STPG2: variants seen among roughly 807,000 people sequenced by gnomAD.
STPG2 encodes sperm-tail PG-rich repeat-containing protein 2.
A neutral mutation model predicts 54.2 loss-of-function variants in STPG2; 56 were observed. That is an observed-to-expected ratio of 1.03 (90% confidence interval 0.83 to 1.29). The LOEUF is 1.29. STPG2 is among the 50% of genes most tolerant of loss of function. The pLI is 0.00. For synonymous variants in STPG2, 200 were observed against 181.8 expected, an observed-to-expected ratio of 1.10 and a Z score of -0.81; for missense variants, 596 against 544.9, an observed-to-expected ratio of 1.09 and a Z score of -0.93.
chr4:97,684,537 CA>C lies in STPG2; in HGVS notation c.1320+28161del, dbSNP rs558113585. On this transcript the variant is annotated intron_variant, in intron 10 of 10. Transcript: ENST00000295268. ...TCCGGAAAAAGTGGACATTCACACG[CA>C]AAAAATAATAAGTAAGAACCTAGAC... Among the ~76,000 whole-genome samples the C allele has an allele frequency of 4.9e-3, 747 of 151,800 alleles. 3 individuals carry two copies. Among genetic ancestry groups the C allele is most frequent in the Middle Eastern group, 0.02 (6 of 294 alleles).
intron 9 of STPG2, among the ~76,000 whole-genome samples, chr4:97,770,094 C>T (rs1015794177): frequency 2.0e-5 from 3 of 151,984 alleles, no homozygotes; most frequent in Admixed American, 6.6e-5. Context: ...GCCTGTAATC[C>T]CAGCTACTCA....
chr4:97,645,509 T>C (rs1268546638), intron 10 of STPG2, among the ~76,000 whole-genome samples: 1 of 152,174 alleles, frequency 6.6e-6, no homozygotes, highest in African/African-American at 2.4e-5. Flanking sequence ...TAGACTTCAC[T>C]AGCTGCCTTT....
intron 8 of STPG2, among the ~76,000 whole-genome samples, chr4:97,874,507 T>C (rs1185985863): frequency 6.6e-6 from 1 of 151,872 alleles, no homozygotes; most frequent in Non-Finnish European, 1.5e-5. Flanking sequence ...TGTTCCTTTG[T>C]AATCCATCCC....
chr4:97,731,795 G>A (rs994198802), intron 9 of STPG2, among the ~76,000 whole-genome samples: 1 of 152,172 alleles, frequency 6.6e-6, no homozygotes, highest in African/African-American at 2.4e-5. Flanking sequence ...CCCCACTTAA[G>A]CTGCATCTAC....
chr4:97,954,759 A>G (rs1483257607), intron 7 of STPG2, among the ~76,000 whole-genome samples: 2 of 152,214 alleles, frequency 1.3e-5, no homozygotes, highest in Non-Finnish European at 2.9e-5. Flanking sequence ...AAATTTCACT[A>G]GTAGAAAATA....
rs1018701837 is a variant in STPG2 at position 97,741,209 on chromosome 4, A to C, written c.1205-28395T>G. 4.0e-4 allele frequency among the ~76,000 whole-genome samples: 61 copies of C among 152,264 alleles called. 1 individual carries two copies. The highest frequency in any genetic ancestry group is 1.4e-3 in the Admixed American group (22 of 15,288). On this transcript the variant is annotated intron_variant, in intron 9 of 10. Transcript: ENST00000295268. ...CTTCCTTACACCTTATACAAAAATT[A>C]ATTCAAGATGGACTAAAGACTTAAA...
chr4:97,475,041 C>T (rs2148817256), intron 4 of STPG2, among the ~76,000 whole-genome samples: 1 of 151,978 alleles, frequency 6.6e-6, no homozygotes, highest in South Asian at 2.1e-4. Context: ...TAAAAATATA[C>T]TACTGTAATT....
intron 9 of STPG2, among the ~76,000 whole-genome samples, chr4:97,736,710 C>T (rs960212843): frequency 1.3e-5 from 2 of 152,226 alleles, no homozygotes; most frequent in South Asian, 2.1e-4. Flanking sequence ...AGCCGGGAAG[C>T]TCGAACTGGG....
At chr4:97,473,751 G>T (rs745334303) in intron 4 of STPG2, among the ~76,000 whole-genome samples, 3 of 152,188 alleles carry the variant, frequency 2.0e-5, no homozygotes, top group Non-Finnish European at 2.9e-5. Context: ...GGGCATCACG[G>T]AACCTACTGA....
chr4:97,980,556 T>C (rs1017945279), intron 6 of STPG2, among the ~76,000 whole-genome samples: 1 of 152,192 alleles, frequency 6.6e-6, no homozygotes, highest in African/African-American at 2.4e-5. Flanking sequence ...CAGGCAGCCA[T>C]GCTGGAGCTA....
chr4:97,925,955 T>C (rs1192298877), intron 8 of STPG2, among the ~76,000 whole-genome samples: 1 of 152,192 alleles, frequency 6.6e-6, no homozygotes, highest in Admixed American at 6.6e-5. Context: ...TGGCATTTCC[T>C]GTATCACTAC....
chr4:97,758,564 C>G (rs962234295), intron 9 of STPG2, among the ~76,000 whole-genome samples: 1 of 151,924 alleles, frequency 6.6e-6, no homozygotes, highest in Non-Finnish European at 1.5e-5. Context: ...TAAGTGGGAG[C>G]TGAACAATGA....
intron 3 of STPG2, among the ~76,000 whole-genome samples, chr4:98,127,390 G>A (rs781642367): frequency 6.6e-6 from 1 of 152,122 alleles, no homozygotes; most frequent in Admixed American, 6.5e-5. Flanking sequence ...TCCCAGTGTA[G>A]CTACTGCCAC....
At chr4:97,966,679 C>A (rs1262823840) in intron 7 of STPG2, among the ~76,000 whole-genome samples, 1 of 152,158 alleles carries the variant, frequency 6.6e-6, no homozygotes, top group Admixed American at 6.5e-5. Context: ...GATCTCTCAG[C>A]AGAAACCCTA....
At chr4:97,564,013 G>C (rs979871139) in intron 10 of STPG2, among the ~76,000 whole-genome samples, 10 of 152,140 alleles carry the variant, frequency 6.6e-5, no homozygotes, top group Non-Finnish European at 1.0e-4. Context: ...CTGTTGATCT[G>C]TCTAATGTTG....
intron 10 of STPG2, among the ~76,000 whole-genome samples, chr4:97,651,032 A>G (rs1722051383): frequency 6.6e-6 from 1 of 152,092 alleles, no homozygotes; most frequent in Admixed American, 6.6e-5. Flanking sequence ...ATCAGAGCTT[A>G]GCCTTCAGTG....
chr4:98,082,638 G>C (rs71612613), intron 5 of STPG2, among the ~76,000 whole-genome samples: 4 of 151,546 alleles, frequency 2.6e-5, no homozygotes, highest in Non-Finnish European at 4.4e-5. Context: ...ATTTTTAGTA[G>C]AGACGGGGTT....
At position 97,960,524 on chromosome 4, in the gene STPG2, C is replaced by T. The variant is rs370380844; in HGVS notation, c.933+11756G>A. 2.8e-4 allele frequency among the ~76,000 whole-genome samples: 43 copies of T among 152,212 alleles called. No individual in the cohort carries two copies. The East Asian group carries it at 5.6e-3, about 20-fold the overall frequency. On this transcript the variant is annotated intron_variant, in intron 7 of 10. Transcript: ENST00000295268. ...AGTTTCCAGATACAAAATTAATGTACACAAATCAGTAGCTCTTCTATATAC... is the reference window on the plus strand; with the variant it reads ...AGTTTCCAGATACAAAATTAATGTATACAAATCAGTAGCTCTTCTATATAC...
intron 5 of STPG2, among the ~76,000 whole-genome samples, chr4:98,016,691 G>C (rs1225559658): frequency 1.3e-5 from 2 of 152,056 alleles, no homozygotes; most frequent in African/African-American, 4.8e-5. Flanking sequence ...TTGCCCATCT[G>C]TGTTCTCTTG....
Sources: allele counts gnomAD v4.1 joint callset (sites outside exome capture counted in the v4.1 genomes callset), GRCh38; gene constraint gnomAD v4.1.1; transcripts MANE v1.5; gene names NCBI Gene and HGNC (gene_info 2026-07-23, HGNC 2026-07-21).